TNIK: variants seen among roughly 807,000 people sequenced by gnomAD.
TNIK encodes the protein TRAF2 and NCK interacting kinase, also known as TRAF2 and NCK-interacting protein kinase.
Under a neutral mutation model 191.3 loss-of-function variants are expected in TNIK, and 49 were observed. That is an observed-to-expected ratio of 0.26 (90% CI 0.20 to 0.32). The LOEUF is 0.32. Among genes scored for constraint, TNIK ranks in the 10% least tolerant of loss-of-function variants. The probability of loss-of-function intolerance (pLI) is 1.00; values close to 1 mark genes in which losing one functional copy is unlikely to be tolerated. For missense variants in TNIK, 1,155 were observed against 1,702.3 expected (o/e 0.68, Z 5.66); for synonymous variants, 594 against 600.9 (o/e 0.99, Z 0.17).
chr3:171,175,064 G>A (rs1379664364), intron 9 of TNIK, among the ~76,000 whole-genome samples, 188 bp downstream of exon 9: 1 of 152,198 alleles, frequency 6.6e-6, no homozygotes, highest in African/African-American at 2.4e-5. Flanking sequence ...ATAAAGACCT[G>A]CTGTACAAAC....
intron 2 of TNIK, among the ~76,000 whole-genome samples, chr3:171,326,248 G>T (rs528544246): frequency 2.0e-5 from 3 of 152,096 alleles, no homozygotes; most frequent in Non-Finnish European, 2.9e-5. Flanking sequence ...TTTAAAATTT[G>T]TTAGTGTATT....
chr3:171,152,972 C>T (rs1177597631), intron 12 of TNIK, among the ~76,000 whole-genome samples: 1 of 151,998 alleles, frequency 6.6e-6, no homozygotes, highest in African/African-American at 2.4e-5. Flanking sequence ...GGGGTTTCAC[C>T]GTGTTATCCA....
intron 12 of TNIK, among the ~76,000 whole-genome samples, chr3:171,150,439 G>A (rs565296332): frequency 1.3e-5 from 2 of 152,226 alleles, no homozygotes; most frequent in African/African-American, 4.8e-5. Flanking sequence ...AGGGTCACTC[G>A]GAAGGTACTA....
At chr3:171,339,312 G>T (rs1757287352) in intron 2 of TNIK, among the ~76,000 whole-genome samples, 1 of 152,226 alleles carries the variant, frequency 6.6e-6, no homozygotes, top group South Asian at 2.1e-4. Context: ...TGCCATGAGT[G>T]TGGCTCTAGC....
chr3:171,362,670 G>A (rs964735351), intron 2 of TNIK, among the ~76,000 whole-genome samples: 2 of 152,102 alleles, frequency 1.3e-5, no homozygotes, highest in Admixed American at 6.5e-5. Flanking sequence ...ACATATTAAT[G>A]TTTTATACTT....
At chr3:171,065,882 A>G (rs896943645) in intron 32 of TNIK, among the ~76,000 whole-genome samples, 6 of 152,236 alleles carry the variant, frequency 3.9e-5, no homozygotes, top group Non-Finnish European at 7.3e-5. Context: ...ATGATTAATG[A>G]TGGGCCAACT....
chr3:171,232,595 G>C (rs1265851373), intron 2 of TNIK, among the ~76,000 whole-genome samples: 2 of 152,162 alleles, frequency 1.3e-5, no homozygotes, highest in East Asian at 3.9e-4. Flanking sequence ...ATTCTGATAG[G>C]ACCCCAAGCC....
intron 18 of TNIK, among the ~76,000 whole-genome samples, chr3:171,122,828 A>G (rs562657117): frequency 3.9e-5 from 6 of 152,328 alleles, no homozygotes; most frequent in Non-Finnish European, 8.8e-5. Flanking sequence ...ATTCATCATG[A>G]AAAATCTGAG....
intron 15 of TNIK, among the ~76,000 whole-genome samples, chr3:171,129,539 T>A (rs1728961439): frequency 6.6e-6 from 1 of 152,224 alleles, no homozygotes; most frequent in African/African-American, 2.4e-5. Flanking sequence ...ATGTCCAGCT[T>A]GGACTCCACT....
At chr3:171,085,414 C>T (rs1448110878) in intron 24 of TNIK, among the ~76,000 whole-genome samples, 185 bp from the exon 25 acceptor site, 1 of 152,206 alleles carries the variant, frequency 6.6e-6, no homozygotes, top group Non-Finnish European at 1.5e-5. Flanking sequence ...ACTCACTAGT[C>T]ATTGTGCATT....
chr3:171,167,056 CT>C, intron 10 of TNIK, 38 bp downstream of exon 10: 1 of 1,592,912 alleles, frequency 6.3e-7, no homozygotes. Flanking sequence ...TTCACTCCAT[CT>C]TTTGTTTCTG....
At chr3:171,145,692 C>T (rs1054932166) in intron 12 of TNIK, among the ~76,000 whole-genome samples, 11 of 151,830 alleles carry the variant, frequency 7.2e-5, no homozygotes, top group Non-Finnish European at 1.2e-4. Flanking sequence ...CACCTCAACC[C>T]TTAAATTCTG....
intron 27 of TNIK, among the ~76,000 whole-genome samples, chr3:171,080,442 TA>T (rs199824473): frequency 4.0e-5 from 6 of 148,212 alleles, no homozygotes; most frequent in Admixed American, 6.6e-5. Context: ...TTTATTTATT[TA>T]TTTTTTTTTG....
chr3:171,262,710 T>TA (rs1204922438), intron 2 of TNIK, among the ~76,000 whole-genome samples: 1 of 152,252 alleles, frequency 6.6e-6, no homozygotes, highest in African/African-American at 2.4e-5. Flanking sequence ...GTCAGTTGCC[T>TA]ACCAGAAAAA....
At chr3:171,216,250 G>GT (rs1741440537) in intron 3 of TNIK, among the ~76,000 whole-genome samples, 1 of 152,028 alleles carries the variant, frequency 6.6e-6, no homozygotes, top group Admixed American at 6.6e-5. Context: ...TGCAATAGAA[G>GT]TTTTTTTCAG....
At chr3:171,067,714 T>C (rs184430669) in intron 30 of TNIK, among the ~76,000 whole-genome samples, 2 of 151,606 alleles carry the variant, frequency 1.3e-5, no homozygotes, top group African/African-American at 4.9e-5. Context: ...TAAGTGTATA[T>C]TAATTTGTTC....
chr3:171,271,097 G>A (rs374453204), intron 2 of TNIK, among the ~76,000 whole-genome samples: 1 of 152,212 alleles, frequency 6.6e-6, no homozygotes, highest in East Asian at 1.9e-4. Context: ...CTGAGAGGGA[G>A]AGATTGGGTT....
chr3:171,287,898 G>A, intron 2 of TNIK, among the ~76,000 whole-genome samples: 1 of 151,800 alleles, frequency 6.6e-6, no homozygotes, highest in East Asian at 1.9e-4. Context: ...ATTCACAATA[G>A]CAAAGACTTG....
intron 1 of TNIK, among the ~76,000 whole-genome samples, chr3:171,445,897 A>C (rs1363393138): frequency 6.6e-6 from 1 of 152,238 alleles, no homozygotes; most frequent in African/African-American, 2.4e-5. Context: ...AAGCCAGGGC[A>C]TGAAATGTAG....
Sources: gnomAD v4.1 joint callset for allele counts (sites outside exome capture counted in the v4.1 genomes callset) on GRCh38, gnomAD v4.1.1 for gene constraint, MANE v1.5 for transcripts, NCBI Gene and HGNC (gene_info 2026-07-23, HGNC 2026-07-21) for gene names.